SPECC1L: variants seen among roughly 807,000 people sequenced by gnomAD.
SPECC1L encodes sperm antigen with calponin homology and coiled-coil domains 1 like.
SPECC1L carries 40 observed loss-of-function variants against 116.8 expected under a neutral mutation model. That is an observed-to-expected ratio of 0.34 (90% confidence interval 0.27 to 0.45). The LOEUF is 0.45. Among genes scored for constraint, SPECC1L ranks in the 20% least tolerant of loss-of-function variants. SPECC1L has a pLI of 1.00. For missense variants in SPECC1L, 1,110 were observed against 1,373.6 expected (o/e 0.81, Z 3.03); for synonymous variants, 504 against 500.6 (o/e 1.01, Z -0.09).
chr22:24,297,213 A>G (rs1194047839), intron 2 of SPECC1L, among the ~76,000 whole-genome samples: 1 of 150,938 alleles, frequency 6.6e-6, no homozygotes, highest in Non-Finnish European at 1.5e-5. Context: ...GATTACAAGC[A>G]TGAGCCACTG....
At chr22:24,381,707 A>G (rs2042065336) in intron 14 of SPECC1L, among the ~76,000 whole-genome samples, 1 of 152,078 alleles carries the variant, frequency 6.6e-6, no homozygotes, top group Non-Finnish European at 1.5e-5. Flanking sequence ...ATATGGTGAA[A>G]CGCCAGCTCT....
chr22:24,359,077 A>AAATT (rs377393038), intron 11 of SPECC1L, among the ~76,000 whole-genome samples: 16 of 152,190 alleles, frequency 1.1e-4, no homozygotes, highest in African/African-American at 3.9e-4. Context: ...CTGTCATTTA[A>AAATT]AAATACATCT....
intron 7 of SPECC1L, among the ~76,000 whole-genome samples, chr22:24,329,663 C>T (rs1019434236): frequency 3.9e-5 from 6 of 152,192 alleles, no homozygotes; most frequent in African/African-American, 9.7e-5. Flanking sequence ...GACTTCCCCA[C>T]CCGGCCACAC....
rs1418151888 is a variant in SPECC1L, at chr22:24,322,145, A to G, written c.1165A>G (p.Ser389Gly). The change falls in exon 5 of 17, where the codon AGT (serine) becomes GGT (glycine). Residue 389 changes from serine (S) to glycine (G), a missense_variant. By Grantham distance (56) the Ser-to-Gly change is moderately conservative. Around this residue, in one of 4 missense-constraint regions of SPECC1L, gnomAD observed 437 missense variants for 482.6 expected, o/e 0.91. Coordinates refer to ENST00000314328, the MANE Select transcript of SPECC1L (RefSeq NM_015330.6). ...CCGGAAGGGGAGCAGCGGGAATGCC[A>G]GTGAAGTGTCCGTGGCTTGCCTGAC... ...RSRKGSSGNA[S>G]EVSVACLTER... The G allele has an allele frequency of 6.2e-7, 1 of 1,614,014 alleles. No homozygotes were observed. The highest frequency in any genetic ancestry group is 1.7e-5 in the Admixed American group (1 of 60,026).
chr22:24,373,898 G>C (rs1041896034), intron 14 of SPECC1L, among the ~76,000 whole-genome samples: 1 of 151,830 alleles, frequency 6.6e-6, no homozygotes, highest in Non-Finnish European at 1.5e-5. Flanking sequence ...CTAATATCCA[G>C]AATCTACAAT....
intron 14 of SPECC1L, among the ~76,000 whole-genome samples, chr22:24,379,883 A>C (rs2042033806): frequency 6.6e-6 from 1 of 152,158 alleles, no homozygotes. Flanking sequence ...TTTGTTTTTG[A>C]GACAGAATCT....
At chr22:24,347,683 AT>A (rs527469900) in intron 11 of SPECC1L, among the ~76,000 whole-genome samples, 4 of 148,962 alleles carry the variant, frequency 2.7e-5, no homozygotes, top group Non-Finnish European at 4.5e-5. Flanking sequence ...TCACACAGCC[AT>A]TTTTTTTTTA....
At chr22:24,330,518 GTGGAGTTTGATACTTACTGAGTT>G in intron 8 of SPECC1L, 87 bp downstream of exon 8, 3 of 1,453,544 alleles carry the variant, frequency 2.1e-6, no homozygotes, top group Non-Finnish European at 2.9e-6. Context: ...TGGAAAAAAT[GTGGAGTTTGATACTTACTGAGTT>G]TGGATCTGAT....
Position 24,313,392 on chromosome 22 carries a change from C to G in SPECC1L, c.233C>G (p.Thr78Ser). 1 of 1,614,140 alleles carries G rather than the reference C, an allele frequency of 6.2e-7. No homozygotes were observed. Among genetic ancestry groups the G allele is most frequent in the South Asian group, 1.1e-5 (1 of 91,078 alleles). ...VTNGVKGKKS[T>S]CPSAAPSASA... Reference sequence around the variant, plus strand: ...AATGGTGTTAAAGGAAAGAAAAGCACCTGCCCATCTGCAGCACCTTCAGCA... The same window carrying G: ...AATGGTGTTAAAGGAAAGAAAAGCAGCTGCCCATCTGCAGCACCTTCAGCA... Residue 78 changes from threonine to serine, a missense_variant, in exon 4 of 17, where the codon ACC (threonine) becomes AGC (serine). Transcript: ENST00000314328.
chr22:24,390,872 CTTT>C (rs1016008966), intron 14 of SPECC1L, among the ~76,000 whole-genome samples: 2 of 57,112 alleles, frequency 3.5e-5, no homozygotes, highest in Non-Finnish European at 6.1e-5. Context: ...TTTTTCTTTT[CTTT>C]TTTTTTTTTT....
intron 13 of SPECC1L, among the ~76,000 whole-genome samples, chr22:24,367,871 C>T (rs1445109611): frequency 6.6e-6 from 1 of 152,192 alleles, no homozygotes; most frequent in African/African-American, 2.4e-5. Flanking sequence ...ACTAGAGTCT[C>T]CACTTTGCTA....
At chr22:24,344,057 G>A (rs775464947) in intron 10 of SPECC1L, among the ~76,000 whole-genome samples, 1 of 152,122 alleles carries the variant, frequency 6.6e-6, no homozygotes, top group African/African-American at 2.4e-5. Context: ...AATTCCAATT[G>A]TATATAGTCT....
At chr22:24,283,058 G>A (rs890262332) in intron 2 of SPECC1L, among the ~76,000 whole-genome samples, 6 of 151,778 alleles carry the variant, frequency 4.0e-5, no homozygotes, top group Admixed American at 3.3e-4. Flanking sequence ...GATTACAGGC[G>A]TGAGTCACTG....
intron 14 of SPECC1L, among the ~76,000 whole-genome samples, chr22:24,373,150 T>A (rs1226958162): frequency 6.6e-6 from 1 of 152,144 alleles, no homozygotes; most frequent in Admixed American, 6.5e-5. Context: ...GGAAGAACGT[T>A]CCATGCTCAT....
chr22:24,347,800 C>T (rs563112619), intron 11 of SPECC1L, among the ~76,000 whole-genome samples: 4 of 152,182 alleles, frequency 2.6e-5, no homozygotes, highest in East Asian at 1.9e-4. Flanking sequence ...CTCAGCCTCC[C>T]GAATAGCTGG....
rs575666680 is a variant in SPECC1L, at chr22:24,272,927, TTTC to T, written c.-142+1947_-142+1949del. ...CTAATGGTTGCAGGTGTGTAGGGGT[TTTC>T]TTGACATTTTCAGTAAGAAAGTGAA... On this transcript the variant is annotated intron_variant, in intron 1 of 16. Transcript: ENST00000314328. Among the ~76,000 whole-genome samples, 36 of 152,318 alleles carry T rather than the reference TTTC, an allele frequency of 2.4e-4. 1 individual carries two copies. In the South Asian group the frequency reaches 7.5e-3, roughly 32 times the overall value.
At chr22:24,382,844 C>A (rs1426443784) in intron 14 of SPECC1L, among the ~76,000 whole-genome samples, 1 of 152,128 alleles carries the variant, frequency 6.6e-6, no homozygotes, top group Non-Finnish European at 1.5e-5. Context: ...ATTGATCACA[C>A]CACTGCACTC....
chr22:24,322,044 C>T lies in SPECC1L; in HGVS notation c.1064C>T (p.Pro355Leu), dbSNP rs2040732764. The T allele has an allele frequency of 1.2e-6, 2 of 1,614,040 alleles. No homozygotes were observed. The highest frequency in any genetic ancestry group is 2.7e-5 in the African/African-American group (2 of 74,930). Residue 355 changes from proline (P) to leucine (L), a missense_variant, in exon 5 of 17, where the codon CCC becomes CTC. Transcript: ENST00000314328. ...LDSECSEVYQ[P>L]LTSSDDALDA... is the part of the protein sequence containing the mutation. ...AGTGAGTGCAGTGAGGTCTACCAGCCCCTCACATCGAGCGATGATGCGCTG... is the reference window on the plus strand; with the variant it reads ...AGTGAGTGCAGTGAGGTCTACCAGCTCCTCACATCGAGCGATGATGCGCTG...
chr22:24,381,470 A>T (rs942366382), intron 14 of SPECC1L, among the ~76,000 whole-genome samples: 1 of 152,218 alleles, frequency 6.6e-6, no homozygotes, highest in Non-Finnish European at 1.5e-5. Flanking sequence ...TGAAGAAAAG[A>T]TTGGATATTC....
Sources: allele counts gnomAD v4.1 joint callset (sites outside exome capture counted in the v4.1 genomes callset), GRCh38; gene constraint gnomAD v4.1.1; regional missense constraint gnomAD v4.1.1; transcripts MANE v1.5; gene names NCBI Gene and HGNC (gene_info 2026-07-23, HGNC 2026-07-21).